Variants in ARAP1 observed in about 807,000 individuals in gnomAD.
ARAP1 encodes the protein ArfGAP with RhoGAP domain, ankyrin repeat and PH domain 1, also known as arf-GAP with Rho-GAP domain, ANK repeat and PH domain-containing protein 1.
In ARAP1, 76 loss-of-function variants were observed where a neutral mutation model predicts 172.2. The observed-to-expected ratio is 0.44, with a 90% CI of 0.37 to 0.53. The LOEUF is 0.53. ARAP1 is among the 20% of genes least tolerant of loss of function. The pLI is 0.00. For missense variants in ARAP1, 1,686 were observed against 1,977.5 expected, an observed-to-expected ratio of 0.85 and a Z score of 2.80; for synonymous variants, 804 against 803.3, an observed-to-expected ratio of 1.00 and a Z score of -0.01.
chr11:72,697,109 A>C lies in ARAP1; in HGVS notation c.3040T>G (p.Ser1014Ala). ...TGCTCGCCCTCCTTGAGGTGCACAG[A>C]GCGCGCATCCTGCCGCAGGCTCTCC... is the stretch of plus-strand genomic sequence containing the variant. ...LLESLRQDAR[S>A]VHLKEGEQHV... Residue 1014 changes from serine to alanine, a missense_variant, in exon 22 of 35, where the codon TCT (serine) becomes GCT (alanine). By Grantham distance (99) the Ser-to-Ala change is moderately conservative. Coordinates refer to ENST00000393609, the MANE Select transcript of ARAP1 (RefSeq NM_001040118.3). The C allele has an allele frequency of 6.2e-7, 1 of 1,608,062 alleles. No homozygotes were observed. Among genetic ancestry groups the C allele is most frequent in the South Asian group, 1.1e-5 (1 of 91,092 alleles).
At chr11:72,744,225 G>T (rs1464486082) in intron 1 of ARAP1, among the ~76,000 whole-genome samples, 1 of 152,178 alleles carries the variant, frequency 6.6e-6, no homozygotes, top group Non-Finnish European at 1.5e-5. Context: ...CTGGCTGGGT[G>T]CTTTCTCAGG....
In ARAP1 at chr11:72,707,262, G is replaced by C. The variant is rs750059051; in HGVS notation, c.1636C>G (p.Pro546Ala). ...EVAERIWAAA[P>A]NRFCADCGAP... The stretch of plus-strand genomic sequence containing the variant: ...CCGCAGTCAGCACAGAACCTGTTGG[G>C]GGCTGCAGCCCAGATGCGCTCGGCC... The change falls in exon 12 of 35, where the codon CCC (proline) becomes GCC (alanine). Residue 546 changes from proline (P) to alanine (A), a missense_variant. Coordinates refer to ENST00000393609, the MANE Select transcript of ARAP1 (RefSeq NM_001040118.3). The C allele has an allele frequency of 6.2e-7, 1 of 1,612,956 alleles. No individual in the cohort carries two copies. Among genetic ancestry groups the C allele is most frequent in the South Asian group, 1.1e-5 (1 of 90,796 alleles).
At chr11:72,740,458 A>T (rs760272281) in intron 1 of ARAP1, among the ~76,000 whole-genome samples, 3 of 152,030 alleles carry the variant, frequency 2.0e-5, no homozygotes, top group Non-Finnish European at 4.4e-5. Context: ...CACAATTATC[A>T]CTTTTATAAT....
intron 4 of ARAP1, 40 bp from the exon 5 acceptor site, chr11:72,713,283 C>G (rs1261626551): frequency 1.3e-6 from 2 of 1,583,932 alleles, no homozygotes; most frequent in Non-Finnish European, 1.7e-6. Context: ...GGCAAGGGGC[C>G]TGGCCTCCTC....
intron 1 of ARAP1, among the ~76,000 whole-genome samples, chr11:72,740,189 G>A (rs1417984241): frequency 6.6e-6 from 1 of 152,194 alleles, no homozygotes; most frequent in Non-Finnish European, 1.5e-5. Context: ...AGGCACCTTT[G>A]AGCAGTGCAC....
At position 72,699,658 on chromosome 11, in the gene ARAP1, C is replaced by T; in HGVS notation, c.2303-106G>A. ...GCTCCCATCTGACCCATGAGCTCTT[C>T]ATTCTCTCAAGTTTTCCCTAAATCC... On this transcript the variant is annotated intron_variant, in intron 16 of 34. Coordinates refer to ENST00000393609, the MANE Select transcript of ARAP1 (RefSeq NM_001040118.3). The surrounding 1 kb of genome is among the most constrained non-coding windows in gnomAD (Gnocchi z 4.2). The T allele has an allele frequency of 7.0e-7, 1 of 1,436,942 alleles. No homozygotes were observed. The highest frequency in any genetic ancestry group is 9.3e-7 in the Non-Finnish European group (1 of 1,073,268). The allele number at this position is 1,436,942 out of a possible 1,614,324, so 89.0% of individuals were successfully genotyped here. A position where few individuals can be genotyped will look rare whatever the true frequency, so the allele number is the denominator to read the frequency against.
chr11:72,699,243 G>T lies in ARAP1; in HGVS notation c.2439-136C>A, dbSNP rs1856361410. The T allele has an allele frequency of 1.5e-6, 2 of 1,371,066 alleles. No individual in the cohort carries two copies. The highest frequency in any genetic ancestry group is 2.0e-6 in the Non-Finnish European group (2 of 994,814). 84.9% of individuals were successfully genotyped at this position (1,371,066 alleles called of 1,614,324 possible). On this transcript the variant is annotated intron_variant, in intron 17 of 34. Coordinates refer to ENST00000393609, the MANE Select transcript of ARAP1 (RefSeq NM_001040118.3). This position sits in a 1 kb window ranked among gnomAD's most constrained non-coding sequence, Gnocchi z 4.2. ...TCCTTATTCTGGTCCCCTAAGAGGT[G>T]GTGGAAAAGTCTTGGGCTGGGGCCT...
Position 72,699,017 on chromosome 11 carries a change from C to T in ARAP1, c.2529G>A (p.Lys843=). The change falls in exon 18 of 35, where the codon AAG becomes AAA. Residue 843 remains lysine, a synonymous_variant. Coordinates refer to ENST00000393609, the MANE Select transcript of ARAP1 (RefSeq NM_001040118.3). The surrounding 1 kb of genome is among the most constrained non-coding windows in gnomAD (Gnocchi z 4.2). The part of the protein sequence containing the change: ...ESAEQAHEWV[K]CIAKAFVPPL... ...ACCCCAGGCTCACCTTAGCAATACA[C>T]TTGACCCACTCATGAGCCTGCTCCG... is the stretch of plus-strand genomic sequence containing the variant. 1.2e-6 allele frequency: 2 copies of T among 1,614,174 alleles called. No individual in the cohort carries two copies. Among genetic ancestry groups the T allele is most frequent in the Admixed American group, 1.7e-5 (1 of 60,028 alleles).
Position 72,697,401 on chromosome 11 carries a change from T to C in ARAP1, c.2875A>G (p.Thr959Ala). 1 of 1,612,212 alleles carries C rather than the reference T, an allele frequency of 6.2e-7. No homozygotes were observed. Among genetic ancestry groups the C allele is most frequent in the Non-Finnish European group, 8.5e-7 (1 of 1,179,392 alleles). ...IQKAAASMGD[T>A]LSEQQLGDSD... Reference sequence around the variant, plus strand: ...TCCCCAAGCTGCTGCTCCGACAGCGTGTCCCCCATGCTGGCGGCTGCTTTC... The same window carrying C: ...TCCCCAAGCTGCTGCTCCGACAGCGCGTCCCCCATGCTGGCGGCTGCTTTC... The change falls in exon 21 of 35, where the codon ACG becomes GCG. Residue 959 changes from threonine (T) to alanine (A), a missense_variant. Physicochemically the swap from Thr to Ala is moderately conservative, Grantham distance 58. Transcript: ENST00000393609.
intron 30 of ARAP1, among the ~76,000 whole-genome samples, chr11:72,690,316 C>G (rs1855885691): frequency 6.6e-6 from 1 of 152,142 alleles, no homozygotes; most frequent in Non-Finnish European, 1.5e-5. Flanking sequence ...TCCTTGGGGT[C>G]TGATGTGCAT....
intron 3 of ARAP1, 25 bp from the exon 4 acceptor site, chr11:72,714,346 A>G: frequency 6.5e-7 from 1 of 1,541,858 alleles, no homozygotes; most frequent in Non-Finnish European, 8.8e-7. Flanking sequence ...AAAGTTGGGC[A>G]TCACTAAGCA....
rs1300976761 is a variant in ARAP1 at position 72,710,082 on chromosome 11, G to C, written c.1417-106C>G. On this transcript the variant is annotated intron_variant, in intron 10 of 34. Coordinates refer to ENST00000393609, the MANE Select transcript of ARAP1 (RefSeq NM_001040118.3). The surrounding 1 kb of genome is among the most constrained non-coding windows in gnomAD (Gnocchi z 4.3). ...TGGTGCAACTCAGGGACTGGGGGGG[G>C]TGCCCAGGAGGGAGACAGCAGGGGA... The C allele has an allele frequency of 2.9e-6, 3 of 1,042,476 alleles. No individual in the cohort carries two copies. Among genetic ancestry groups the C allele is most frequent in the East Asian group, 2.4e-5 (1 of 41,030 alleles). 64.6% of individuals were successfully genotyped at this position (1,042,476 alleles called of 1,614,324 possible).
chr11:72,744,160 G>GTC (rs1858285645), intron 1 of ARAP1, among the ~76,000 whole-genome samples: 1 of 149,724 alleles, frequency 6.7e-6, no homozygotes, highest in Admixed American at 6.6e-5. Context: ...CTGTGACTGT[G>GTC]TGTGTCACCA....
chr11:72,692,857 G>T (rs1298383974), intron 29 of ARAP1, 72 bp from the exon 30 acceptor site: 6 of 1,590,916 alleles, frequency 3.8e-6, no homozygotes, highest in Non-Finnish European at 4.3e-6. Flanking sequence ...GCAGTGATGT[G>T]TGGGGTTGGG....
chr11:72,696,446 G>A lies in ARAP1; in HGVS notation c.3272+103C>T, dbSNP rs553558029. ...GGGCAGATCACAGTCAGCACTTGGT[G>A]CAAAAGCCCAGCTGGCTCCCAGAGG... is the stretch of plus-strand genomic sequence containing the variant. On this transcript the variant is annotated intron_variant, in intron 23 of 34. Coordinates refer to ENST00000393609, the MANE Select transcript of ARAP1 (RefSeq NM_001040118.3). The A allele has an allele frequency of 3.5e-4, 317 of 909,866 alleles. No individual in the cohort carries two copies. In the African/African-American group the frequency reaches 4.8e-3, roughly 14 times the overall value. 56.4% of individuals were successfully genotyped at this position (909,866 alleles called of 1,614,324 possible). A position where few individuals can be genotyped will look rare whatever the true frequency, so the allele number is the denominator to read the frequency against.
Position 72,707,221 on chromosome 11 carries a change from G to A in ARAP1, c.1677C>T (p.Asp559=), listed in dbSNP as rs1179273842. ...FCADCGAPQP[D]WASINLCVVI... ...CAACACAGAGGTTGATGGAGGCCCA[G>A]TCAGGCTGAGGAGCCCCGCAGTCAG... is the stretch of plus-strand genomic sequence containing the variant. Residue 559 remains aspartate (D), a synonymous_variant, in exon 12 of 35, where the codon GAC becomes GAT. Transcript: ENST00000393609. 6.2e-7 allele frequency: 1 copy of A among 1,605,866 alleles called. No individual in the cohort carries two copies. Among genetic ancestry groups the A allele is most frequent in the African/African-American group, 1.3e-5 (1 of 74,768 alleles).
intron 1 of ARAP1, among the ~76,000 whole-genome samples, chr11:72,743,901 C>T (rs966403776): frequency 3.9e-5 from 6 of 152,186 alleles, no homozygotes; most frequent in South Asian, 2.1e-4. Flanking sequence ...TTGCCTGACC[C>T]CCCATTACCC....
At chr11:72,749,766 C>A (rs1858480956) in intron 1 of ARAP1, among the ~76,000 whole-genome samples, 1 of 151,878 alleles carries the variant, frequency 6.6e-6, no homozygotes, top group Non-Finnish European at 1.5e-5. Context: ...CCTGTAGTCC[C>A]AGCTACTCAG....
At chr11:72,732,352 G>A (rs773040145) in intron 2 of ARAP1, among the ~76,000 whole-genome samples, 163 bp downstream of exon 2, 3 of 152,138 alleles carry the variant, frequency 2.0e-5, no homozygotes, top group African/African-American at 4.8e-5. Context: ...TGGGAGGCTC[G>A]TAGCAAGCTC....
Sources: allele counts gnomAD v4.1 joint callset (sites outside exome capture counted in the v4.1 genomes callset), GRCh38; gene constraint gnomAD v4.1.1; non-coding constraint Gnocchi (gnomAD v3.1); transcripts MANE v1.5; gene names NCBI Gene and HGNC (gene_info 2026-07-23, HGNC 2026-07-21).